BTAF1: variants seen among roughly 807,000 people sequenced by gnomAD.
BTAF1 encodes B-TFIID TATA-box binding protein associated factor 1.
BTAF1 carries 38 observed loss-of-function variants against 227.1 expected under a neutral mutation model. The observed-to-expected ratio is 0.17, with a 90% confidence interval of 0.13 to 0.22. The LOEUF (loss-of-function observed/expected upper bound fraction) is 0.22. Among genes scored for constraint, BTAF1 ranks in the 10% least tolerant of loss-of-function variants. The pLI is 1.00. For missense variants in BTAF1, 1,598 were observed against 2,204.0 expected (o/e 0.73, Z 5.51); for synonymous variants, 742 against 751.9 (o/e 0.99, Z 0.21).
In BTAF1 at chr10:91,993,653, T is replaced by C. The variant is rs559111764; in HGVS notation, c.3046-41T>C. ...GTTAAAATTTTAAATGTATTATGAT[T>C]TTTTCTGAAATTCTGTTTTTATCTA... On this transcript the variant is annotated intron_variant, in intron 21 of 37. Transcript: ENST00000265990. 5.3e-5 allele frequency: 73 copies of C among 1,364,612 alleles called. 1 individual carries two copies. The South Asian group carries it at 1.1e-3, about 21-fold the overall frequency. The allele number at this position is 1,364,612 out of a possible 1,614,324, so 84.5% of individuals were successfully genotyped here.
At chr10:92,002,032 A>G (rs898766589) in intron 25 of BTAF1, among the ~76,000 whole-genome samples, 2 of 151,446 alleles carry the variant, frequency 1.3e-5, no homozygotes, top group African/African-American at 4.8e-5. Flanking sequence ...TATTCAAGGT[A>G]GAGGAGGAAA....
In BTAF1 at chr10:91,989,214, C is replaced by A. The variant is rs2134012723; in HGVS notation, c.2488C>A (p.Gln830Lys). The A allele has an allele frequency of 6.2e-7, 1 of 1,613,812 alleles. No homozygotes were observed. Among genetic ancestry groups the A allele is most frequent in the East Asian group, 2.2e-5 (1 of 44,866 alleles). The change falls in exon 20 of 38, where the codon CAG becomes AAG. Residue 830 changes from glutamine (Q) to lysine (K), a missense_variant. Around this residue, in one of 10 missense-constraint regions of BTAF1, gnomAD observed 425 missense variants for 491.2 expected, o/e 0.87. Transcript: ENST00000265990. ...CGATTTAAATCCTCAAGTGTTACAACAGTTAGATAGTAAACGACAGCAGGT... is the reference window on the plus strand; with the variant it reads ...CGATTTAAATCCTCAAGTGTTACAAAAGTTAGATAGTAAACGACAGCAGGT... Reference protein sequence around the residue: ...SFDLNPQVLQQLDSKRQQVQM... With the variant: ...SFDLNPQVLQKLDSKRQQVQM...
intron 14 of BTAF1, among the ~76,000 whole-genome samples, chr10:91,967,170 A>G (rs1227916192): frequency 6.6e-6 from 1 of 152,214 alleles, no homozygotes; most frequent in Non-Finnish European, 1.5e-5. Flanking sequence ...AGACTTACCA[A>G]GGAATTCCCA....
chr10:92,018,856 C>T lies in BTAF1; in HGVS notation c.4784C>T (p.Thr1595Ile). 1 of 1,611,240 alleles carries T rather than the reference C, an allele frequency of 6.2e-7. No homozygotes were observed. The highest frequency in any genetic ancestry group is 1.3e-5 in the African/African-American group (1 of 74,928). The change falls in exon 34 of 38, where the codon ACC (threonine) becomes ATC (isoleucine). Residue 1595 changes from threonine to isoleucine, a missense_variant. Around this residue, in one of 10 missense-constraint regions of BTAF1, gnomAD observed 205 missense variants for 244.5 expected, o/e 0.84. Transcript: ENST00000265990. Reference sequence around the variant, plus strand: ...ACACCTCAACATCCAGAATTCAAGACCACTGCCGAAAAACTGGCAGTTCAG... The same window carrying T: ...ACACCTCAACATCCAGAATTCAAGATCACTGCCGAAAAACTGGCAGTTCAG... ...VLTPQHPEFK[T>I]TAEKLAVQNS...
intron 1 of BTAF1, among the ~76,000 whole-genome samples, chr10:91,934,055 A>G (rs1316998813): frequency 6.6e-6 from 1 of 152,212 alleles, no homozygotes; most frequent in African/African-American, 2.4e-5. Flanking sequence ...AAGTGTTTAG[A>G]TAGCCTTGAA....
chr10:91,957,190 T>C (rs1478378501), intron 7 of BTAF1, 35 bp from the exon 8 acceptor site: 1 of 1,553,094 alleles, frequency 6.4e-7, no homozygotes, highest in Middle Eastern at 1.7e-4. Flanking sequence ...AAATAGACCT[T>C]TTGAACTAGT....
rs76421790 is a variant in BTAF1, at chr10:91,936,472, C to T, written c.138+692C>T. 1.7e-3 allele frequency among the ~76,000 whole-genome samples: 197 copies of T among 116,034 alleles called. 2 individuals are homozygous for T. The East Asian group carries it at 0.035, about 21-fold the overall frequency. 76.1% of individuals were successfully genotyped at this position (116,034 alleles called of 152,430 possible). A position where few individuals can be genotyped will look rare whatever the true frequency, so the allele number is the denominator to read the frequency against. On this transcript the variant is annotated intron_variant, in intron 2 of 37. Coordinates refer to ENST00000265990, the MANE Select transcript of BTAF1 (RefSeq NM_003972.3). ...TCTCTCTCTCTTTTCAGTTTGACCC[C>T]CTTTTTTCATTCTCATCTGCCCATC...
intron 11 of BTAF1, among the ~76,000 whole-genome samples, chr10:91,961,792 G>C (rs911272742): frequency 6.6e-6 from 1 of 152,118 alleles, no homozygotes; most frequent in East Asian, 1.9e-4. Context: ...GGCCTGGTCT[G>C]TTGGGGGAAA....
rs1161651607 is a variant in BTAF1, at chr10:91,982,185, A to AT, written c.2008_2009insT (p.Arg670MetfsTer25). 1 of 1,613,894 alleles carries AT rather than the reference A, an allele frequency of 6.2e-7. No individual in the cohort carries two copies. The highest frequency in any genetic ancestry group is 8.5e-7 in the Non-Finnish European group (1 of 1,179,912). ...CACCATCATGGAAGACCCAGCCACC[A>AT]GGGATTTTGTAGTTATGCGGGCCAG... is the stretch of plus-strand genomic sequence containing the variant. On this transcript the variant is annotated frameshift_variant, in exon 17 of 38. Transcript: ENST00000265990. LOFTEE classifies it high-confidence loss of function.
At chr10:91,954,157 T>C (rs1845937582) in intron 6 of BTAF1, among the ~76,000 whole-genome samples, 1 of 152,132 alleles carries the variant, frequency 6.6e-6, no homozygotes, top group Admixed American at 6.5e-5. Context: ...CAAGTTTAAA[T>C]GCCTTAAACA....
Position 91,924,096 on chromosome 10 carries a change from T to C in BTAF1, c.14+6T>C, listed in dbSNP as rs1589717774. 1 of 1,607,178 alleles carries C rather than the reference T, an allele frequency of 6.2e-7. No homozygotes were observed. The highest frequency in any genetic ancestry group is 1.1e-5 in the South Asian group (1 of 89,904). On this transcript the variant is annotated splice_donor_region_variant and intron_variant, in intron 1 of 37. Transcript: ENST00000265990. Reference sequence around the variant, plus strand: ...CCGGCCATGGCGGTCTCCAGGTGGGTCTTGCTCCTGACGAGCAAACTGGAA... The same window carrying C: ...CCGGCCATGGCGGTCTCCAGGTGGGCCTTGCTCCTGACGAGCAAACTGGAA...
intron 31 of BTAF1, 25 bp downstream of exon 31, chr10:92,013,833 C>T: frequency 1.2e-6 from 2 of 1,613,610 alleles, no homozygotes; most frequent in Non-Finnish European, 1.7e-6. Context: ...TAATTATAAC[C>T]CTGTGTAAGT....
rs562974710 is a variant in BTAF1 at position 91,981,295 on chromosome 10, T to G, written c.1756-348T>G. On this transcript the variant is annotated intron_variant, in intron 15 of 37. Coordinates refer to ENST00000265990, the MANE Select transcript of BTAF1 (RefSeq NM_003972.3). ...TTAGGAGCTATTTTTAAATGTGTGT[T>G]GAATATAGGACTGCATTAATATTGA... 2.6e-5 allele frequency among the ~76,000 whole-genome samples: 4 copies of G among 152,320 alleles called. No individual in the cohort carries two copies. In the East Asian group the frequency reaches 5.8e-4, roughly 22 times the overall value.
At chr10:92,025,069 A>G in intron 35 of BTAF1, 102 bp downstream of exon 35, 1 of 992,658 alleles carries the variant, frequency 1.0e-6, no homozygotes, top group Non-Finnish European at 1.5e-6. Flanking sequence ...CTGCAAATGC[A>G]TTTTTTTAAT....
chr10:91,951,767 A>G (rs994983082), intron 5 of BTAF1, among the ~76,000 whole-genome samples: 2 of 152,194 alleles, frequency 1.3e-5, no homozygotes, highest in Non-Finnish European at 2.9e-5. Flanking sequence ...TACCTCCCAG[A>G]CACTGGACTG....
chr10:92,028,681 A>G, intron 37 of BTAF1, 109 bp from the exon 38 acceptor site: 4 of 1,102,624 alleles, frequency 3.6e-6, no homozygotes, highest in Non-Finnish European at 3.8e-6. Flanking sequence ...TGAAGTACTC[A>G]ATTCTGTTGA....
chr10:91,937,585 C>G (rs1034893840), intron 2 of BTAF1, among the ~76,000 whole-genome samples: 15 of 152,056 alleles, frequency 9.9e-5, no homozygotes, highest in Admixed American at 4.6e-4. Context: ...TTCTTTTGCT[C>G]AAAATAATGT....
chr10:91,999,806 A>G (rs901682543), intron 25 of BTAF1, among the ~76,000 whole-genome samples: 2 of 152,198 alleles, frequency 1.3e-5, no homozygotes, highest in African/African-American at 4.8e-5. Flanking sequence ...CCACAGACAC[A>G]TACAGTAATA....
intron 35 of BTAF1, among the ~76,000 whole-genome samples, chr10:92,025,665 G>A (rs888208463): frequency 6.6e-6 from 1 of 151,940 alleles, no homozygotes; most frequent in African/African-American, 2.4e-5. Context: ...AAATTAGCTG[G>A]ATGTGGTGGC....
Sources: allele counts gnomAD v4.1 joint callset (sites outside exome capture counted in the v4.1 genomes callset), GRCh38; gene constraint gnomAD v4.1.1; regional missense constraint gnomAD v4.1.1; transcripts MANE v1.5; gene names NCBI Gene and HGNC (gene_info 2026-07-23, HGNC 2026-07-21).